The following THRAP3 variants were observed in gnomAD, a reference collection of about 807,000 sequenced individuals.
THRAP3 encodes the protein thyroid hormone receptor-associated protein 3.
THRAP3 carries 16 observed loss-of-function variants against 101.0 expected under a neutral mutation model. The ratio of observed to expected loss-of-function variants is 0.16; its 90% confidence interval spans 0.11 to 0.24. The LOEUF (loss-of-function observed/expected upper bound fraction) is 0.24. Ranked by LOEUF, THRAP3 falls within the 10% of genes least tolerant of loss-of-function variation. The probability of loss-of-function intolerance (pLI) is 1.00; values close to 1 mark genes in which losing one functional copy is unlikely to be tolerated. For synonymous variants in THRAP3, 407 were observed against 422.6 expected (o/e 0.96, Z 0.45); for missense variants, 989 against 1,202.7 (o/e 0.82, Z 2.63).
upstream of THRAP3, among the ~76,000 whole-genome samples, chr1:36,219,681 C>T (rs1644893600): frequency 6.6e-6 from 1 of 151,996 alleles, no homozygotes; most frequent in African/African-American, 2.4e-5. Context: ...CTGCCTGCCT[C>T]GGCCTCCCAA....
chr1:36,267,065 G>C (rs535986218), intron 2 of THRAP3, among the ~76,000 whole-genome samples: 1 of 151,900 alleles, frequency 6.6e-6, no homozygotes, highest in Admixed American at 6.6e-5. Context: ...TGTATTTTTA[G>C]TAGAGACGGG....
At chr1:36,256,458 C>T (rs1353746624) in intron 1 of THRAP3, among the ~76,000 whole-genome samples, 1 of 151,932 alleles carries the variant, frequency 6.6e-6, no homozygotes, top group Non-Finnish European at 1.5e-5. Context: ...ATCTCCTGAC[C>T]TCGTGATCCG....
At chr1:36,303,375 T>C (rs186653972) in intron 11 of THRAP3, among the ~76,000 whole-genome samples, 57 of 152,248 alleles carry the variant, frequency 3.7e-4, no homozygotes, top group Non-Finnish European at 6.9e-4. Flanking sequence ...CTAAATCATA[T>C]GGAGTTGCTT....
At chr1:36,266,709 C>G (rs955995047) in intron 2 of THRAP3, among the ~76,000 whole-genome samples, 7 of 152,112 alleles carry the variant, frequency 4.6e-5, no homozygotes, top group Non-Finnish European at 7.3e-5. Flanking sequence ...GAGGTTGGTA[C>G]TACCTGAATT....
rs778167174 is a variant in THRAP3 at position 36,293,898 on chromosome 1, A to T, written c.2078A>T (p.His693Leu). Residue 693 changes from histidine to leucine, a missense_variant, in exon 8 of 12, where the codon CAT becomes CTT. By Grantham distance (99) the His-to-Leu change is moderately conservative. Coordinates refer to ENST00000354618, the MANE Select transcript of THRAP3 (RefSeq NM_005119.4). Reference sequence around the variant, plus strand: ...ACATTCAGAAAACATGGTTTGGCTCATGATGAAATGAAAAGTCCCCGGGAA... The same window carrying T: ...ACATTCAGAAAACATGGTTTGGCTCTTGATGAAATGAAAAGTCCCCGGGAA... ...PSTFRKHGLAHDEMKSPREPG... is the reference protein window; with the variant it reads ...PSTFRKHGLALDEMKSPREPG... 4.8e-5 allele frequency: 78 copies of T among 1,613,924 alleles called. No individual in the cohort carries two copies. Among genetic ancestry groups the T allele is most frequent in the Non-Finnish European group, 6.6e-5 (78 of 1,179,844 alleles).
chr1:36,249,810 T>A (rs760270040), intron 1 of THRAP3, among the ~76,000 whole-genome samples: 14 of 151,548 alleles, frequency 9.2e-5, no homozygotes, highest in Non-Finnish European at 1.9e-4. Context: ...AACAGGAAAG[T>A]TCATTCTAAA....
At chr1:36,299,706 G>A (rs1349660666) in intron 9 of THRAP3, among the ~76,000 whole-genome samples, 4 of 151,932 alleles carry the variant, frequency 2.6e-5, no homozygotes, top group Admixed American at 2.0e-4. Context: ...ATGGGGTTTC[G>A]CCATGTTGGC....
chr1:36,262,186 T>G (rs553468240), intron 2 of THRAP3, among the ~76,000 whole-genome samples: 1 of 152,330 alleles, frequency 6.6e-6, no homozygotes, highest in South Asian at 2.1e-4. Context: ...TGGTGAGATA[T>G]TTTACTTTCT....
At chr1:36,222,439 C>T (rs2124302143), upstream of THRAP3, among the ~76,000 whole-genome samples, 1 of 151,776 alleles carries the variant, frequency 6.6e-6, no homozygotes, top group African/African-American at 2.4e-5. Flanking sequence ...CGGAGTCTTG[C>T]TCTGTCGCCC....
chr1:36,287,460 C>T, intron 4 of THRAP3, 190 bp downstream of exon 4: 2 of 985,358 alleles, frequency 2.0e-6, no homozygotes. Flanking sequence ...TCCTACCTTC[C>T]TGAATTTGTA....
At chr1:36,288,212 A>G in intron 4 of THRAP3, 3 of 855,496 alleles carry the variant, frequency 3.5e-6, no homozygotes, top group Non-Finnish European at 4.2e-6. Flanking sequence ...GGTTACATGG[A>G]TAAGTTTGTT....
chr1:36,278,554 G>A (rs924890698), intron 2 of THRAP3, among the ~76,000 whole-genome samples: 1 of 152,144 alleles, frequency 6.6e-6, no homozygotes, highest in Admixed American at 6.6e-5. Context: ...AAGTGTCTCT[G>A]CAGAACAGTT....
In THRAP3 at chr1:36,289,947, G is replaced by C. The variant is rs3007206; in HGVS notation, c.1745+183G>C. On this transcript the variant is annotated intron_variant, in intron 5 of 11. Transcript: ENST00000354618. ...ACAGAGTGATTGTGTGCTTTTGAAG[G>C]GGGGCAGTATCCCTGGGGTGATGAA... Among the ~76,000 whole-genome samples the C allele has an allele frequency of 3.2e-3, 487 of 152,222 alleles. 3 individuals carry two copies. The highest frequency in any genetic ancestry group is 0.011 in the African/African-American group (473 of 41,534).
intron 1 of THRAP3, among the ~76,000 whole-genome samples, chr1:36,247,902 T>C (rs1361757108): frequency 7.0e-6 from 1 of 141,926 alleles, no homozygotes; most frequent in East Asian, 2.1e-4. Flanking sequence ...GGAGATGGAG[T>C]CTTGCTCTGT....
intron 2 of THRAP3, among the ~76,000 whole-genome samples, chr1:36,273,578 C>T (rs1436962214): frequency 6.6e-6 from 1 of 152,112 alleles, no homozygotes; most frequent in Non-Finnish European, 1.5e-5. Context: ...GACGTTCCAG[C>T]CAGAGCAGTT....
rs560340501 is a variant in THRAP3 at position 36,259,384 on chromosome 1, G to C, written c.-132G>C. 20 of 398,522 alleles carry C rather than the reference G, an allele frequency of 5.0e-5. No homozygotes were observed. The highest frequency in any genetic ancestry group is 8.0e-5 in the Non-Finnish European group (18 of 226,076). The allele number at this position is 398,522 out of a possible 1,614,324, so 24.7% of individuals were successfully genotyped here. ...CTACTTATTTTCTCTCATTTCAGAA[G>C]TGTATGCTGACTTGTAAAGTGAAGA... On this transcript the variant is annotated splice_region_variant and 5_prime_UTR_variant, in exon 2 of 12. Coordinates refer to ENST00000354618, the MANE Select transcript of THRAP3 (RefSeq NM_005119.4).
At chr1:36,258,330 G>A (rs953906470) in intron 1 of THRAP3, among the ~76,000 whole-genome samples, 1 of 152,146 alleles carries the variant, frequency 6.6e-6, no homozygotes, top group East Asian at 1.9e-4. Context: ...AATACATAGC[G>A]AGAAGACATG....
chr1:36,281,752 A>G (rs1002301177), intron 2 of THRAP3, among the ~76,000 whole-genome samples: 2 of 151,926 alleles, frequency 1.3e-5, no homozygotes, highest in Admixed American at 6.6e-5. Flanking sequence ...GGCCCTTACC[A>G]CTACATCCAG....
At chr1:36,284,173 A>G (rs577722671) in intron 3 of THRAP3, among the ~76,000 whole-genome samples, 2 of 152,340 alleles carry the variant, frequency 1.3e-5, no homozygotes, top group African/African-American at 4.8e-5. Context: ...AAAAATGTTA[A>G]CCAACTCTGA....
Sources: gnomAD v4.1 joint callset for allele counts (sites outside exome capture counted in the v4.1 genomes callset) on GRCh38, gnomAD v4.1.1 for gene constraint, MANE v1.5 for transcripts, NCBI Gene and HGNC (gene_info 2026-07-23, HGNC 2026-07-21) for gene names.